Variants in DPP10 observed in about 807,000 individuals in gnomAD.
The protein encoded by DPP10 is dipeptidyl peptidase like 10, also known as inactive dipeptidyl peptidase 10.
A neutral mutation model predicts 120.9 loss-of-function variants in DPP10; 33 were observed. That is an observed-to-expected ratio of 0.27 (90% CI 0.21 to 0.37). The LOEUF (loss-of-function observed/expected upper bound fraction) is 0.37, where lower values mean the gene tolerates loss of function less well. Ranked by LOEUF, DPP10 falls within the 10% of genes least tolerant of loss-of-function variation. The pLI is 1.00. For missense variants in DPP10, 816 were observed against 942.8 expected, an observed-to-expected ratio of 0.87 and a Z score of 1.76; for synonymous variants, 337 against 326.1, an observed-to-expected ratio of 1.03 and a Z score of -0.36.
chr2:115,746,408 C>A (rs1192011675), intron 10 of DPP10, among the ~76,000 whole-genome samples: 1 of 152,132 alleles, frequency 6.6e-6, no homozygotes, highest in African/African-American at 2.4e-5. Flanking sequence ...ACTGAAGAGG[C>A]TGATACTGAG....
At position 115,162,086 on chromosome 2, in the gene DPP10, C is replaced by T. The variant is rs2052422789; in HGVS notation, c.61-147153C>T. The T allele has an allele frequency of 5.4e-6, 8 of 1,492,510 alleles. No individual in the cohort carries two copies. In the Middle Eastern group the frequency reaches 7.3e-4, roughly 136 times the overall value. The allele number at this position is 1,492,510 out of a possible 1,614,324, so 92.5% of individuals were successfully genotyped here. A position where few individuals can be genotyped will look rare whatever the true frequency, so the allele number is the denominator to read the frequency against. On this transcript the variant is annotated intron_variant, in intron 1 of 25. Transcript: ENST00000410059. ...GGGAGGGGTGGCTCCAGTGCGCGCT[C>T]CGCCCGCCTCCCGCTTCCCAGGCTG... is the stretch of plus-strand genomic sequence containing the variant.
chr2:115,679,730 A>G (rs181686228), intron 5 of DPP10, among the ~76,000 whole-genome samples: 2 of 152,332 alleles, frequency 1.3e-5, no homozygotes, highest in African/African-American at 4.8e-5. Context: ...ATATTAAGTG[A>G]AATAAATTAG....
At chr2:115,179,084 T>C (rs1382930467) in intron 1 of DPP10, among the ~76,000 whole-genome samples, 1 of 152,178 alleles carries the variant, frequency 6.6e-6, no homozygotes. Context: ...TATCCCAGCT[T>C]TTGCAGATTT....
chr2:115,788,353 A>G lies in DPP10; in HGVS notation c.1532-2728A>G, dbSNP rs1416067278. On this transcript the variant is annotated intron_variant, in intron 17 of 25. Transcript: ENST00000410059. ...TCCTCTTTCACCTTAAGGAATTAGA[A>G]AAAGAAGAGCAAATTAAAACAAAGT... Among the ~76,000 whole-genome samples the G allele has an allele frequency of 3.3e-5, 5 of 152,324 alleles. No homozygotes were observed. In the East Asian group the frequency reaches 9.6e-4, roughly 29 times the overall value.
intron 1 of DPP10, among the ~76,000 whole-genome samples, chr2:115,128,722 G>A (rs917565125): frequency 6.6e-6 from 1 of 152,048 alleles, no homozygotes; most frequent in Non-Finnish European, 1.5e-5. Flanking sequence ...TTATGATTTT[G>A]TCCATATTTT....
chr2:114,449,253 G>A (rs996180511), intron 1 of DPP10, among the ~76,000 whole-genome samples: 2 of 152,066 alleles, frequency 1.3e-5, no homozygotes, highest in Non-Finnish European at 2.9e-5. Flanking sequence ...TCTTTGGCCC[G>A]TAGATATGTG....
rs1398677592 is a variant in DPP10, at chr2:114,772,674, T to TC, written c.60+329837dup. On this transcript the variant is annotated intron_variant, in intron 1 of 25. Coordinates refer to ENST00000410059, the MANE Select transcript of DPP10 (RefSeq NM_020868.6). ...TTCCACCTCATACCTTTTTTTTTTT[T>TC]CAGCTAAAGCATAAATGTATTGACT... Among the ~76,000 whole-genome samples, 3 of 151,614 alleles carry TC rather than the reference T, an allele frequency of 2.0e-5. No homozygotes were observed. The South Asian group carries it at 6.3e-4, about 32-fold the overall frequency.
At chr2:115,175,400 A>C (rs2053620759) in intron 1 of DPP10, among the ~76,000 whole-genome samples, 1 of 152,184 alleles carries the variant, frequency 6.6e-6, no homozygotes, top group Non-Finnish European at 1.5e-5. Context: ...TATGAATTTA[A>C]GAGGGGTGGG....
chr2:114,865,780 T>A (rs1442054000), intron 1 of DPP10, among the ~76,000 whole-genome samples: 2 of 152,160 alleles, frequency 1.3e-5, no homozygotes, highest in African/African-American at 4.8e-5. Context: ...CCAATCTTGA[T>A]GTCTGCCCAA....
At chr2:114,871,399 G>A (rs1430688786) in intron 1 of DPP10, among the ~76,000 whole-genome samples, 1 of 152,132 alleles carries the variant, frequency 6.6e-6, no homozygotes. Flanking sequence ...TTAGGTTGGT[G>A]CACAAGTAAT....
chr2:114,485,618 A>G (rs1478465904), intron 1 of DPP10, among the ~76,000 whole-genome samples: 1 of 151,804 alleles, frequency 6.6e-6, no homozygotes, highest in Non-Finnish European at 1.5e-5. Context: ...ACTCAGTCCA[A>G]AGCAATAGCC....
intron 1 of DPP10, among the ~76,000 whole-genome samples, chr2:114,696,330 A>G (rs1421572146): frequency 3.3e-5 from 5 of 152,078 alleles, no homozygotes; most frequent in African/African-American, 7.2e-5. Flanking sequence ...CCAGGTATGG[A>G]AAATCTTATA....
chr2:114,910,480 C>T (rs1037933574), intron 1 of DPP10, among the ~76,000 whole-genome samples: 2 of 151,926 alleles, frequency 1.3e-5, no homozygotes, highest in Non-Finnish European at 2.9e-5. Context: ...TTCGACACAG[C>T]TGAAGAATGA....
chr2:115,570,007 T>A (rs902322361), intron 5 of DPP10, among the ~76,000 whole-genome samples: 1 of 152,218 alleles, frequency 6.6e-6, no homozygotes, highest in Non-Finnish European at 1.5e-5. Context: ...TTACTGTGAT[T>A]GAAATTACCT....
intron 1 of DPP10, among the ~76,000 whole-genome samples, chr2:115,037,511 A>G (rs899585040): frequency 7.2e-5 from 11 of 152,230 alleles, no homozygotes; most frequent in Non-Finnish European, 1.6e-4. Flanking sequence ...AAAGGCCAAT[A>G]AAATTGTCCT....
At position 115,062,391 on chromosome 2, in the gene DPP10, A is replaced by T. The variant is rs577373515; in HGVS notation, c.61-246848A>T. Among the ~76,000 whole-genome samples, 14 of 152,316 alleles carry T rather than the reference A, an allele frequency of 9.2e-5. No individual in the cohort carries two copies. The South Asian group carries it at 2.7e-3, about 29-fold the overall frequency. The stretch of plus-strand genomic sequence containing the variant: ...AAGTTTTGTTTTTTATTGTATTTTA[A>T]GTTCCAGGATACATGTGTAGAATGT... On this transcript the variant is annotated intron_variant, in intron 1 of 25. Coordinates refer to ENST00000410059, the MANE Select transcript of DPP10 (RefSeq NM_020868.6).
At chr2:115,215,366 CA>C (rs1326139241) in intron 1 of DPP10, among the ~76,000 whole-genome samples, 1 of 150,980 alleles carries the variant, frequency 6.6e-6, no homozygotes, top group Non-Finnish European at 1.5e-5. Flanking sequence ...ATTTTAACAC[CA>C]AAAAAGAAAA....
At chr2:115,348,760 A>G (rs1330334487) in intron 3 of DPP10, among the ~76,000 whole-genome samples, 1 of 152,170 alleles carries the variant, frequency 6.6e-6, no homozygotes, top group Non-Finnish European at 1.5e-5. Flanking sequence ...GGACAAACAT[A>G]CCATCATGTA....
In DPP10 at chr2:114,670,577, G is replaced by C. The variant is rs1573932959; in HGVS notation, c.60+227739G>C. ...GATAGCATTAGGAGATATACCTAAT[G>C]CTAAATGACGAGTTAATGGGTGCAG... On this transcript the variant is annotated intron_variant, in intron 1 of 25. Coordinates refer to ENST00000410059, the MANE Select transcript of DPP10 (RefSeq NM_020868.6). Among the ~76,000 whole-genome samples, 7 of 152,156 alleles carry C rather than the reference G, an allele frequency of 4.6e-5. 1 individual carries two copies. The highest frequency in any genetic ancestry group is 1.7e-4 in the African/African-American group (7 of 41,502).
Sources: allele counts gnomAD v4.1 joint callset (sites outside exome capture counted in the v4.1 genomes callset), GRCh38; gene constraint gnomAD v4.1.1; transcripts MANE v1.5; gene names NCBI Gene and HGNC (gene_info 2026-07-23, HGNC 2026-07-21).